PISD: variants seen among roughly 807,000 people sequenced by gnomAD.
PISD encodes phosphatidylserine decarboxylase proenzyme, mitochondrial.
PISD carries 31 observed loss-of-function variants against 43.5 expected under a neutral mutation model. The ratio of observed to expected loss-of-function variants is 0.71; its 90% CI spans 0.54 to 0.96. PISD has a LOEUF of 0.96. PISD is among the 40% of genes least tolerant of loss of function. PISD has a pLI of 0.00. For synonymous variants in PISD, 259 were observed against 228.7 expected, an observed-to-expected ratio of 1.13 and a Z score of -1.20; for missense variants, 523 against 548.4, an observed-to-expected ratio of 0.95 and a Z score of 0.46.
chr22:31,648,524 G>C (rs2073944160), intron 2 of PISD, among the ~76,000 whole-genome samples: 1 of 152,118 alleles, frequency 6.6e-6, no homozygotes, highest in Admixed American at 6.6e-5. Flanking sequence ...AGAAAACTTA[G>C]CCGGGCACAG....
intron 3 of PISD, among the ~76,000 whole-genome samples, chr22:31,626,842 CAGGG>C (rs1283034101): frequency 3.3e-5 from 5 of 152,240 alleles, no homozygotes; most frequent in Non-Finnish European, 7.3e-5. Flanking sequence ...TATGGGCTGA[CAGGG>C]AGCCCACCCC....
intron 3 of PISD, among the ~76,000 whole-genome samples, chr22:31,624,847 G>GC (rs2072809891): frequency 6.6e-6 from 1 of 151,990 alleles, no homozygotes; most frequent in Non-Finnish European, 1.5e-5. Flanking sequence ...CTCAGCAGGG[G>GC]CTCAGCTTCA....
Position 31,621,801 on chromosome 22 carries a change from G to A in PISD, c.406C>T (p.Arg136Cys), listed in dbSNP as rs774604673. 3.1e-6 allele frequency: 5 copies of A among 1,613,060 alleles called. No individual in the cohort carries two copies. In the South Asian group the frequency reaches 3.3e-5, roughly 11 times the overall value. ...ATGTACAGGCTGTAGACGGGCCTGC[G>A]CAGCCAGTGTGGCAGCTCCACCTGA... ...LNQVELPHWL[R>C]RPVYSLYIWT... Residue 136 changes from arginine to cysteine, a missense_variant, in exon 4 of 8, where the codon CGC becomes TGC. Arg to Cys is a radical substitution (Grantham distance 180). Coordinates refer to ENST00000439502, the MANE Select transcript of PISD (RefSeq NM_001326411.2).
chr22:31,627,926 G>T, intron 3 of PISD: 1 of 698,274 alleles, frequency 1.4e-6, no homozygotes, highest in Non-Finnish European at 1.8e-6. Flanking sequence ...CAGGGGCCAG[G>T]TCAGATGCCC....
intron 1 of PISD, among the ~76,000 whole-genome samples, chr22:31,661,024 C>G (rs1601469974): frequency 6.6e-6 from 1 of 152,134 alleles, no homozygotes; most frequent in African/African-American, 2.4e-5. Context: ...CGTGAGCCAC[C>G]GCGCCCAGCC....
intron 3 of PISD, among the ~76,000 whole-genome samples, chr22:31,644,715 G>A (rs966835456): frequency 2.0e-5 from 3 of 152,150 alleles, no homozygotes; most frequent in South Asian, 4.1e-4. Flanking sequence ...TCCTGAAAAC[G>A]TATATAGTTG....
At chr22:31,641,320 G>C (rs1365279992) in intron 3 of PISD, among the ~76,000 whole-genome samples, 4 of 151,914 alleles carry the variant, frequency 2.6e-5, no homozygotes, top group Admixed American at 1.3e-4. Context: ...TGCACTTTGG[G>C]GCCAGTGTTA....
intron 3 of PISD, chr22:31,632,103 C>T (rs752005599): frequency 2.4e-5 from 6 of 248,222 alleles, no homozygotes; most frequent in African/African-American, 4.6e-5. Context: ...GTAGGGCTTG[C>T]GGAGAAATGG....
At chr22:31,659,408 G>A (rs2074260591) in intron 1 of PISD, among the ~76,000 whole-genome samples, 1 of 152,076 alleles carries the variant, frequency 6.6e-6, no homozygotes, top group East Asian at 1.9e-4. Context: ...TCCGTTGACA[G>A]TGTGGTTTGC....
chr22:31,653,054 A>C (rs866773279), intron 1 of PISD, among the ~76,000 whole-genome samples: 2 of 151,452 alleles, frequency 1.3e-5, no homozygotes, highest in African/African-American at 2.4e-5. Flanking sequence ...AAAAAAAAAA[A>C]AAAAACCACA....
Position 31,619,754 on chromosome 22 carries a change from ACG to A in PISD, c.1086_1087del (p.Val363ProfsTer4). 1 of 1,614,088 alleles carries A rather than the reference ACG, an allele frequency of 6.2e-7. No homozygotes were observed. The highest frequency in any genetic ancestry group is 1.3e-5 in the African/African-American group (1 of 75,004). On this transcript the variant is annotated frameshift_variant, in exon 8 of 8. Transcript: ENST00000439502. LOFTEE classifies it high-confidence loss of function. ...CAGGTGCTCGCCCTTACGCATGGGGACGCCCTCTCTATTGGTGTGCGTCACGA... is the reference window on the plus strand; with the variant it reads ...CAGGTGCTCGCCCTTACGCATGGGGACCCTCTCTATTGGTGTGCGTCACGA...
intron 3 of PISD, among the ~76,000 whole-genome samples, chr22:31,633,681 C>A (rs535971978): frequency 6.6e-6 from 1 of 152,236 alleles, no homozygotes; most frequent in East Asian, 1.9e-4. Flanking sequence ...TACCATAGCA[C>A]TCCAGCCTGG....
intron 3 of PISD, chr22:31,628,865 A>T (rs1399023543): frequency 1.0e-6 from 1 of 985,318 alleles, no homozygotes; most frequent in Non-Finnish European, 1.2e-6. Context: ...CTCTTTCCAA[A>T]AAGTCAACCT....
chr22:31,639,335 CA>C (rs1688834380), intron 3 of PISD, among the ~76,000 whole-genome samples: 1 of 152,142 alleles, frequency 6.6e-6, no homozygotes, highest in Non-Finnish European at 1.5e-5. Flanking sequence ...CCACACCCAG[CA>C]AATGTTTTTG....
Position 31,662,210 on chromosome 22 carries a change from T to C in PISD, c.-2A>G, listed in dbSNP as rs1468407409. 6.2e-7 allele frequency: 1 copy of C among 1,603,408 alleles called. No individual in the cohort carries two copies. Among genetic ancestry groups the C allele is most frequent in the Non-Finnish European group, 8.5e-7 (1 of 1,179,748 alleles). The stretch of plus-strand genomic sequence containing the variant: ...TCGGTGCCCCACGGACGTCGCCATC[T>C]TGTCTGCTCCTTCTCAGCGTGCCAC... On this transcript the variant is annotated 5_prime_UTR_variant, in exon 1 of 8. Coordinates refer to ENST00000439502, the MANE Select transcript of PISD (RefSeq NM_001326411.2).
intron 3 of PISD, among the ~76,000 whole-genome samples, chr22:31,622,260 G>A (rs780110159): frequency 2.6e-5 from 4 of 152,238 alleles, no homozygotes; most frequent in Non-Finnish European, 4.4e-5. Context: ...CAATATCACA[G>A]TGTGTGGAGA....
rs111322761 is a variant in PISD, at chr22:31,659,033, T to A, written c.65+3111A>T. On this transcript the variant is annotated intron_variant, in intron 1 of 7. Transcript: ENST00000439502. The stretch of plus-strand genomic sequence containing the variant: ...TATGACCAGCTAATTTTTGTGTTTT[T>A]TGTACAGATGGGTTTTTGCCATGTT... Among the ~76,000 whole-genome samples, 1,487 of 152,052 alleles carry A rather than the reference T, an allele frequency of 9.8e-3. 16 individuals carry two copies. Among genetic ancestry groups the A allele is most frequent in the Non-Finnish European group, 0.011 (743 of 67,962 alleles).
At position 31,618,492 on chromosome 22, in the gene PISD, T is replaced by TTTAAG. The variant is rs1284253499; in HGVS notation, c.*1115_*1119dup. The TTTAAG allele has an allele frequency of 3.1e-5, 42 of 1,345,480 alleles. No homozygotes were observed. The highest frequency in any genetic ancestry group is 3.9e-5 in the Non-Finnish European group (40 of 1,029,074). 83.3% of individuals were successfully genotyped at this position (1,345,480 alleles called of 1,614,324 possible). On this transcript the variant is annotated 3_prime_UTR_variant, in exon 8 of 8. Transcript: ENST00000439502. ...GCCACCTCCAGGAACAGAACACAGTTTTAAGTTTGATTTTTTTTATTTCAA... is the reference window on the plus strand; with the variant it reads ...GCCACCTCCAGGAACAGAACACAGTTTTAAGTTAAGTTTGATTTTTTTTATTTCAA...
intron 3 of PISD, among the ~76,000 whole-genome samples, chr22:31,638,110 A>T (rs1264259914): frequency 1.3e-5 from 2 of 152,158 alleles, no homozygotes; most frequent in South Asian, 2.1e-4. Context: ...ACTCAGGCAG[A>T]TGTATTTTGG....
Sources: allele counts gnomAD v4.1 joint callset (sites outside exome capture counted in the v4.1 genomes callset), GRCh38; gene constraint gnomAD v4.1.1; transcripts MANE v1.5; gene names NCBI Gene and HGNC (gene_info 2026-07-23, HGNC 2026-07-21).